NRXN1: variants seen among roughly 807,000 people sequenced by gnomAD.
The protein encoded by NRXN1 is neurexin-1.
In NRXN1, 39 loss-of-function variants were observed where a neutral mutation model predicts 150.9. The ratio of observed to expected loss-of-function variants is 0.26; its 90% CI spans 0.20 to 0.34. The LOEUF (loss-of-function observed/expected upper bound fraction) is 0.34, where lower values mean the gene tolerates loss of function less well. Among genes scored for constraint, NRXN1 ranks in the 10% least tolerant of loss-of-function variants. The pLI is 1.00. For missense variants in NRXN1, 1,815 were observed against 1,949.9 expected, an observed-to-expected ratio of 0.93 and a Z score of 1.30; for synonymous variants, 924 against 757.0, an observed-to-expected ratio of 1.22 and a Z score of -3.62.
At chr2:50,923,669 T>C (rs17041106) in intron 3 of NRXN1, 5,897 of 156,546 alleles carry the variant, frequency 0.038, 409 homozygotes, top group African/African-American at 0.13. Flanking sequence ...TATCCATGTA[T>C]ATGTCTACAA....
At chr2:50,260,700 T>A (rs139587399) in intron 17 of NRXN1, among the ~76,000 whole-genome samples, 23 of 146,210 alleles carry the variant, frequency 1.6e-4, no homozygotes, top group Admixed American at 4.9e-4. Flanking sequence ...AGACCTAACC[T>A]GTAGAAATGA....
chr2:50,573,789 TAAAC>T (rs1197521162), intron 8 of NRXN1, among the ~76,000 whole-genome samples: 5 of 151,478 alleles, frequency 3.3e-5, no homozygotes, highest in Non-Finnish European at 5.9e-5. Context: ...ATGATACAAA[TAAAC>T]AATGCACTGT....
chr2:49,995,088 C>T (rs910460200), intron 21 of NRXN1, among the ~76,000 whole-genome samples: 3 of 152,136 alleles, frequency 2.0e-5, no homozygotes, highest in African/African-American at 4.8e-5. Flanking sequence ...TTGCACCTTT[C>T]GATTTCATAT....
At chr2:50,870,917 A>G (rs1022201094) in intron 5 of NRXN1, among the ~76,000 whole-genome samples, 3 of 151,952 alleles carry the variant, frequency 2.0e-5, no homozygotes, top group South Asian at 2.1e-4. Flanking sequence ...TCTGCTATAA[A>G]TAAAATCTCA....
chr2:50,005,227 A>T (rs1315219567), intron 21 of NRXN1, among the ~76,000 whole-genome samples: 3 of 152,140 alleles, frequency 2.0e-5, no homozygotes, highest in Non-Finnish European at 2.9e-5. Flanking sequence ...CTAGGAAGAG[A>T]GTAGGAAACT....
At chr2:49,979,410 C>G (rs1372041169) in intron 21 of NRXN1, among the ~76,000 whole-genome samples, 1 of 152,208 alleles carries the variant, frequency 6.6e-6, no homozygotes, top group African/African-American at 2.4e-5. Context: ...AGAGCCTTTG[C>G]TATCAGGGAG....
intron 18 of NRXN1, among the ~76,000 whole-genome samples, chr2:50,166,534 T>C (rs1054687567): frequency 4.6e-5 from 7 of 152,104 alleles, no homozygotes; most frequent in Admixed American, 4.6e-4. Flanking sequence ...CTTGAGACCC[T>C]AAGCAGAGAA....
At chr2:50,695,968 A>C (rs1418263844) in intron 5 of NRXN1, among the ~76,000 whole-genome samples, 1 of 149,298 alleles carries the variant, frequency 6.7e-6, no homozygotes, top group African/African-American at 2.5e-5. Context: ...TCAGCCTCCC[A>C]AGCAGCTGGG....
At chr2:50,001,547 T>C (rs1307244430) in intron 21 of NRXN1, among the ~76,000 whole-genome samples, 1 of 152,156 alleles carries the variant, frequency 6.6e-6, no homozygotes, top group Non-Finnish European at 1.5e-5. Flanking sequence ...TTCACATACC[T>C]ATTCTGCTGC....
chr2:49,965,456 C>T lies in NRXN1; in HGVS notation c.4129-21665G>A, dbSNP rs368177494. On this transcript the variant is annotated intron_variant, in intron 21 of 22. Coordinates refer to ENST00000401669, the MANE Select transcript of NRXN1 (RefSeq NM_001330078.2). The stretch of plus-strand genomic sequence containing the variant: ...TAATTTTTTGTATTTTTAGTAGAGA[C>T]GGGGTTTCACCATGTTGGCCAGGCT... Among the ~76,000 whole-genome samples, 32 of 151,968 alleles carry T rather than the reference C, an allele frequency of 2.1e-4. 1 individual carries two copies. In the East Asian group the frequency reaches 4.3e-3, roughly 20 times the overall value.
At chr2:50,392,009 G>T (rs2081744082) in intron 17 of NRXN1, among the ~76,000 whole-genome samples, 1 of 152,098 alleles carries the variant, frequency 6.6e-6, no homozygotes, top group Non-Finnish European at 1.5e-5. Context: ...TAATGAGGCA[G>T]ATTATGAAAC....
intron 18 of NRXN1, among the ~76,000 whole-genome samples, chr2:50,128,954 T>C (rs893966730): frequency 2.6e-5 from 4 of 151,404 alleles, no homozygotes; most frequent in African/African-American, 7.3e-5. Context: ...CTGCACTCCA[T>C]CATGAGCGAC....
At chr2:50,075,898 C>T (rs971082457) in intron 19 of NRXN1, among the ~76,000 whole-genome samples, 10 of 152,136 alleles carry the variant, frequency 6.6e-5, no homozygotes, top group South Asian at 2.1e-4. Flanking sequence ...TCATCCCCTC[C>T]GCTGGGACTC....
At chr2:50,409,782 T>C (rs2083013351) in intron 17 of NRXN1, among the ~76,000 whole-genome samples, 1 of 152,226 alleles carries the variant, frequency 6.6e-6, no homozygotes, top group East Asian at 1.9e-4. Context: ...CATAAACACA[T>C]GATTTGATTA....
intron 5 of NRXN1, among the ~76,000 whole-genome samples, chr2:50,694,751 T>A (rs569039976): frequency 6.6e-6 from 1 of 152,320 alleles, no homozygotes; most frequent in Non-Finnish European, 1.5e-5. Context: ...AATCGGTTAA[T>A]CCTTTTATCC....
chr2:50,708,180 G>C (rs1353461356), intron 5 of NRXN1, among the ~76,000 whole-genome samples: 1 of 152,132 alleles, frequency 6.6e-6, no homozygotes, highest in Non-Finnish European at 1.5e-5. Flanking sequence ...CAATGGAGTT[G>C]AAAAAAGATT....
At chr2:50,536,677 C>T (rs1377139810) in intron 10 of NRXN1, among the ~76,000 whole-genome samples, 3 of 152,150 alleles carry the variant, frequency 2.0e-5, no homozygotes, top group Non-Finnish European at 4.4e-5. Flanking sequence ...AACCTTAAAT[C>T]GTGCAAGTCC....
chr2:50,347,569 T>C lies in NRXN1; in HGVS notation c.3365-110599A>G. 1 of 1,016,570 alleles carries C rather than the reference T, an allele frequency of 9.8e-7. No individual in the cohort carries two copies. Among genetic ancestry groups the C allele is most frequent in the South Asian group, 3.6e-5 (1 of 27,784 alleles). 63.0% of individuals were successfully genotyped at this position (1,016,570 alleles called of 1,614,324 possible). Reference sequence around the variant, plus strand: ...GCAGCGCGCGGAGCAGCGGCGCGCATCGCCTGCTCCCGAGGCAATCTCCGC... The same window carrying C: ...GCAGCGCGCGGAGCAGCGGCGCGCACCGCCTGCTCCCGAGGCAATCTCCGC... On this transcript the variant is annotated intron_variant, in intron 17 of 22. Coordinates refer to ENST00000401669, the MANE Select transcript of NRXN1 (RefSeq NM_001330078.2). The surrounding 1 kb of genome is among the most constrained non-coding windows in gnomAD (Gnocchi z 4.9).
At chr2:50,517,729 G>C (rs1356328017) in intron 12 of NRXN1, among the ~76,000 whole-genome samples, 1 of 152,064 alleles carries the variant, frequency 6.6e-6, no homozygotes, top group Non-Finnish European at 1.5e-5. Context: ...CGAGTCCAAA[G>C]GAAATAGTTG....
Sources: allele counts gnomAD v4.1 joint callset (sites outside exome capture counted in the v4.1 genomes callset), GRCh38; gene constraint gnomAD v4.1.1; non-coding constraint Gnocchi (gnomAD v3.1); transcripts MANE v1.5; gene names NCBI Gene and HGNC (gene_info 2026-07-23, HGNC 2026-07-21).